The following TTC39A variants were observed in gnomAD, a reference collection of about 807,000 sequenced individuals.
TTC39A encodes the protein tetratricopeptide repeat domain 39A.
A neutral mutation model predicts 82.3 loss-of-function variants in TTC39A; 46 were observed. That is an observed-to-expected ratio of 0.56 (90% CI 0.44 to 0.71). The LOEUF (loss-of-function observed/expected upper bound fraction) is 0.71. TTC39A is among the 30% of genes least tolerant of loss of function. The pLI is 0.00. For missense variants in TTC39A, 543 were observed against 712.9 expected (o/e 0.76, Z 2.71); for synonymous variants, 254 against 275.2 (o/e 0.92, Z 0.76).
In TTC39A at chr1:51,305,122, T is replaced by TC; in HGVS notation, c.612dup (p.Ile205AspfsTer73). 6.2e-7 allele frequency: 1 copy of TC among 1,613,526 alleles called. No individual in the cohort carries two copies. Among genetic ancestry groups the TC allele is most frequent in the Non-Finnish European group, 8.5e-7 (1 of 1,179,602 alleles). ...CCCACAAACTCCAACAGCCTCAGGA[T>TC]CCTAGTAGGAAGCATGGACAGTGTC... On this transcript the variant is annotated frameshift_variant, in exon 8 of 18. Transcript: ENST00000680483. LOFTEE classifies it high-confidence loss of function.
intron 2 of TTC39A, among the ~76,000 whole-genome samples, chr1:51,318,830 C>T (rs1054476592): frequency 2.0e-5 from 3 of 152,168 alleles, no homozygotes; most frequent in Non-Finnish European, 2.9e-5. Context: ...CTCTCTAGGT[C>T]ATCCAAAGCC....
chr1:51,311,415 G>T, intron 4 of TTC39A, 94 bp from the exon 5 acceptor site: 1 of 1,168,192 alleles, frequency 8.6e-7, no homozygotes, highest in Non-Finnish European at 1.2e-6. Context: ...CAAAAGCAAA[G>T]GGAACCTATG....
upstream of TTC39A, among the ~76,000 whole-genome samples, chr1:51,335,601 A>G (rs945825893): frequency 1.7e-4 from 25 of 150,976 alleles, no homozygotes; most frequent in Non-Finnish European, 3.4e-4. Context: ...ATAAATACCT[A>G]TTAAGTGAGC....
intron 14 of TTC39A, among the ~76,000 whole-genome samples, chr1:51,292,676 C>T (rs1384593754): frequency 6.6e-6 from 1 of 152,190 alleles, no homozygotes; most frequent in African/African-American, 2.4e-5. Flanking sequence ...AACGATCCAC[C>T]TACCCTGGCC....
chr1:51,305,783 C>T (rs1569860059), intron 7 of TTC39A, among the ~76,000 whole-genome samples, 194 bp downstream of exon 7: 1 of 152,264 alleles, frequency 6.6e-6, no homozygotes, highest in African/African-American at 2.4e-5. Context: ...CTGGAGCTGG[C>T]TCCAGCGCCC....
At chr1:51,337,524 T>C (rs928546883) in intron 1 of TTC39A, among the ~76,000 whole-genome samples, 1 of 151,618 alleles carries the variant, frequency 6.6e-6, no homozygotes, top group Admixed American at 6.6e-5. Flanking sequence ...CCTCCCGGGT[T>C]CAAGTGGTTC....
At chr1:51,325,251 T>A (rs547951294) in intron 1 of TTC39A, among the ~76,000 whole-genome samples, 1 of 142,900 alleles carries the variant, frequency 7.0e-6, no homozygotes, top group Non-Finnish European at 1.5e-5. Context: ...CAAAATTCCA[T>A]CTCAAAAAAA....
intron 1 of TTC39A, among the ~76,000 whole-genome samples, chr1:51,339,617 A>G (rs1646011888): frequency 6.6e-6 from 1 of 152,030 alleles, no homozygotes; most frequent in African/African-American, 2.4e-5. Context: ...CCTTCTTCCT[A>G]AGGTGTTTTT....
At chr1:51,336,891 C>T (rs909024863) in intron 1 of TTC39A, among the ~76,000 whole-genome samples, 7 of 152,130 alleles carry the variant, frequency 4.6e-5, no homozygotes, top group African/African-American at 1.7e-4. Flanking sequence ...AAATTGGCTC[C>T]ATCTGCCTGT....
At position 51,330,449 on chromosome 1, in the gene TTC39A, G is replaced by T. The variant is rs1304380011; in HGVS notation, c.29C>A (p.Ala10Asp). The T allele has an allele frequency of 2.0e-6, 2 of 983,356 alleles. No individual in the cohort carries two copies. The highest frequency in any genetic ancestry group is 2.4e-6 in the Non-Finnish European group (2 of 829,954). 60.9% of individuals were successfully genotyped at this position (983,356 alleles called of 1,614,324 possible). A position where few individuals can be genotyped will look rare whatever the true frequency, so the allele number is the denominator to read the frequency against. Residue 10 changes from alanine (A) to aspartate (D), a missense_variant, in exon 1 of 18, where the codon GCC becomes GAC. Transcript: ENST00000680483. This position sits in a 1 kb window ranked among gnomAD's most constrained non-coding sequence, Gnocchi z 4.5. ...GCCGCGCACTTACCCCGCGGGCAGGGCTCCTGGGGCGCCGCCAGCCGAGGT... is the reference window on the plus strand; with the variant it reads ...GCCGCGCACTTACCCCGCGGGCAGGTCTCCTGGGGCGCCGCCAGCCGAGGT... MTSAGGAPGALPAGTPESSL... is the reference protein window; with the variant it reads MTSAGGAPGDLPAGTPESSL...
intron 1 of TTC39A, among the ~76,000 whole-genome samples, chr1:51,328,388 T>A (rs1381350661): frequency 6.6e-6 from 1 of 152,174 alleles, no homozygotes; most frequent in Non-Finnish European, 1.5e-5. Flanking sequence ...GGGTGGTATA[T>A]CACACATCAG....
chr1:51,288,409 T>G lies in TTC39A; in HGVS notation c.1611-129A>C. On this transcript the variant is annotated intron_variant, in intron 17 of 17. Transcript: ENST00000680483. The surrounding 1 kb of genome is among the most constrained non-coding windows in gnomAD (Gnocchi z 4.8). ...GAGAAATTAATGTGTCCAGAGAGAGTTGAGCCCTACCCAATGGGAGAGTTA... is the reference window on the plus strand; with the variant it reads ...GAGAAATTAATGTGTCCAGAGAGAGGTGAGCCCTACCCAATGGGAGAGTTA... 6.8e-7 allele frequency: 1 copy of G among 1,459,904 alleles called. No individual in the cohort carries two copies. Among genetic ancestry groups the G allele is most frequent in the East Asian group, 2.3e-5 (1 of 43,046 alleles). The allele number at this position is 1,459,904 out of a possible 1,614,324, so 90.4% of individuals were successfully genotyped here.
chr1:51,301,975 G>C (rs1436489016), intron 11 of TTC39A: 3 of 648,626 alleles, frequency 4.6e-6, no homozygotes, highest in African/African-American at 1.8e-5. Context: ...CTGGTTTTTA[G>C]TAACAAAATG....
chr1:51,311,106 T>C (rs762987088), intron 5 of TTC39A, 148 bp downstream of exon 5: 5 of 708,248 alleles, frequency 7.1e-6, no homozygotes, highest in Admixed American at 3.1e-5. Flanking sequence ...GGGGCAGGAG[T>C]GTGAAGGATG....
chr1:51,316,393 T>A (rs1018831499), intron 2 of TTC39A, among the ~76,000 whole-genome samples: 1 of 152,072 alleles, frequency 6.6e-6, no homozygotes, highest in Non-Finnish European at 1.5e-5. Flanking sequence ...TCCTCCCTCC[T>A]CCAGCCTGTC....
intron 8 of TTC39A, among the ~76,000 whole-genome samples, chr1:51,304,780 C>A (rs1368370733): frequency 6.6e-6 from 1 of 152,170 alleles, no homozygotes; most frequent in Non-Finnish European, 1.5e-5. Context: ...AGGGACCAGC[C>A]CCTGACACCT....
chr1:51,291,179 CT>C (rs919738790), intron 14 of TTC39A, among the ~76,000 whole-genome samples: 2 of 151,298 alleles, frequency 1.3e-5, no homozygotes, highest in South Asian at 2.1e-4. Flanking sequence ...TTCTTAGATT[CT>C]TTTTTTTTAG....
chr1:51,329,847 T>C (rs1645840107), intron 1 of TTC39A: 1 of 152,274 alleles, frequency 6.6e-6, no homozygotes, highest in South Asian at 2.1e-4. Context: ...GGGATGTGGG[T>C]AGGGTTGGGC....
At chr1:51,289,839 A>G (rs1644134956) in intron 16 of TTC39A, among the ~76,000 whole-genome samples, 166 bp downstream of exon 16, 1 of 152,194 alleles carries the variant, frequency 6.6e-6, no homozygotes, top group African/African-American at 2.4e-5. Flanking sequence ...TTATCTGTAC[A>G]GCTCCCGGCA....
Sources: allele counts gnomAD v4.1 joint callset (sites outside exome capture counted in the v4.1 genomes callset), GRCh38; gene constraint gnomAD v4.1.1; non-coding constraint Gnocchi (gnomAD v3.1); transcripts MANE v1.5; gene names NCBI Gene and HGNC (gene_info 2026-07-23, HGNC 2026-07-21).